MCHR2: variants seen among roughly 807,000 people sequenced by gnomAD.
The protein encoded by MCHR2 is melanin-concentrating hormone receptor 2.
MCHR2 carries 15 observed loss-of-function variants against 24.8 expected under a neutral mutation model. The observed-to-expected ratio is 0.60, with a 90% CI of 0.40 to 0.93. The LOEUF (loss-of-function observed/expected upper bound fraction) is 0.93. MCHR2 is among the 40% of genes least tolerant of loss of function. MCHR2 has a pLI of 0.00. For synonymous variants in MCHR2, 151 were observed against 147.6 expected, an observed-to-expected ratio of 1.02 and a Z score of -0.17; for missense variants, 386 against 408.7, an observed-to-expected ratio of 0.94 and a Z score of 0.48.
At chr6:99,929,731 T>C (rs1001385408) in intron 5 of MCHR2, among the ~76,000 whole-genome samples, 1 of 152,072 alleles carries the variant, frequency 6.6e-6, no homozygotes, top group Non-Finnish European at 1.5e-5. Context: ...CCTATGTGTG[T>C]CTCTGCACGT....
At chr6:99,932,350 A>G (rs1173449281) in intron 5 of MCHR2, among the ~76,000 whole-genome samples, 1 of 152,166 alleles carries the variant, frequency 6.6e-6, no homozygotes, top group Non-Finnish European at 1.5e-5. Context: ...TTTTTACAGA[A>G]GCATTCTAAA....
At chr6:99,958,552 T>G (rs1043463245) in intron 1 of MCHR2, among the ~76,000 whole-genome samples, 1 of 151,922 alleles carries the variant, frequency 6.6e-6, no homozygotes, top group Admixed American at 6.6e-5. Flanking sequence ...AAAAAATCTG[T>G]TCATTAAAAG....
intron 5 of MCHR2, among the ~76,000 whole-genome samples, chr6:99,933,354 A>AT (rs1774584602): frequency 6.6e-6 from 1 of 152,192 alleles, no homozygotes; most frequent in South Asian, 2.1e-4. Context: ...AGGCTCAAGC[A>AT]TTCTCTCTAG....
In MCHR2 at chr6:99,975,029, C is replaced by G. The variant is rs188481951; in HGVS notation, c.-27-18855G>C. Among the ~76,000 whole-genome samples, 751 of 152,324 alleles carry G rather than the reference C, an allele frequency of 4.9e-3. 9 individuals carry two copies. Among genetic ancestry groups the G allele is most frequent in the African/African-American group, 0.018 (730 of 41,560 alleles). ...AGGCTGCTCGGCGGTCAGGGACCCA[C>G]TTGAGGAGGCAGTCTGCCCGTTCTC... is the stretch of plus-strand genomic sequence containing the variant. On this transcript the variant is annotated intron_variant, in intron 1 of 5. Transcript: ENST00000281806.
chr6:99,920,932 G>A lies in MCHR2; in HGVS notation c.*8C>T, dbSNP rs1774211800. ...CATGTCTAGACTCATGGTGATCCAT[G>A]TACTTTCCTAAAAGTGTGATTTCAG... On this transcript the variant is annotated 3_prime_UTR_variant, in exon 6 of 6. Coordinates refer to ENST00000281806, the MANE Select transcript of MCHR2 (RefSeq NM_001040179.2). 3 of 1,612,272 alleles carry A rather than the reference G, an allele frequency of 1.9e-6. No homozygotes were observed. Among genetic ancestry groups the A allele is most frequent in the African/African-American group, 2.7e-5 (2 of 74,840 alleles).
chr6:99,987,855 T>A (rs775644373), intron 1 of MCHR2, among the ~76,000 whole-genome samples: 5 of 152,166 alleles, frequency 3.3e-5, no homozygotes, highest in Non-Finnish European at 7.4e-5. Flanking sequence ...AGGTTATTTT[T>A]TATTGATAAG....
intron 1 of MCHR2, among the ~76,000 whole-genome samples, chr6:99,987,090 G>GTATTTATT (rs71024682): frequency 1.1e-3 from 167 of 149,566 alleles, no homozygotes; most frequent in African/African-American, 2.0e-3. Context: ...GTGTTGTGTT[G>GTATTTATT]TATTTATTTA....
chr6:99,929,192 G>T (rs1425320235), intron 5 of MCHR2, among the ~76,000 whole-genome samples: 2 of 152,084 alleles, frequency 1.3e-5, no homozygotes, highest in Non-Finnish European at 2.9e-5. Context: ...ATTGCACTGT[G>T]GTCTGAGAGA....
intron 1 of MCHR2, among the ~76,000 whole-genome samples, chr6:99,959,156 T>A (rs1775128188): frequency 6.6e-6 from 1 of 152,030 alleles, no homozygotes; most frequent in Non-Finnish European, 1.5e-5. Flanking sequence ...TCTGGATGCC[T>A]GGAAGGCCAC....
At chr6:99,980,108 T>C (rs80311482) in intron 1 of MCHR2, among the ~76,000 whole-genome samples, 5,616 of 110,228 alleles carry the variant, frequency 0.051, 135 homozygotes, top group Non-Finnish European at 0.067. Flanking sequence ...ATGATTGTTC[T>C]GTTTTATAGT....
intron 1 of MCHR2, among the ~76,000 whole-genome samples, chr6:99,965,378 A>G (rs1308205794): frequency 2.0e-5 from 3 of 152,188 alleles, no homozygotes; most frequent in African/African-American, 7.2e-5. Context: ...AAGTGTTTAC[A>G]AAAATGTAGC....
chr6:99,968,553 A>C (rs750536226), intron 1 of MCHR2, among the ~76,000 whole-genome samples: 1 of 152,194 alleles, frequency 6.6e-6, no homozygotes, highest in Non-Finnish European at 1.5e-5. Flanking sequence ...CCTAATGAGG[A>C]ATACACCATG....
chr6:99,988,186 A>G (rs1300643845), intron 1 of MCHR2, among the ~76,000 whole-genome samples: 1 of 152,222 alleles, frequency 6.6e-6, no homozygotes, highest in African/African-American at 2.4e-5. Context: ...TGAAGTCCAT[A>G]GGGTAGACTT....
At chr6:99,972,698 T>C (rs920805565) in intron 1 of MCHR2, among the ~76,000 whole-genome samples, 1 of 152,240 alleles carries the variant, frequency 6.6e-6, no homozygotes, top group African/African-American at 2.4e-5. Context: ...TCTGGGCATT[T>C]AGTGCTATAA....
chr6:99,922,905 T>TA (rs1481538510), intron 5 of MCHR2, among the ~76,000 whole-genome samples: 1 of 54,052 alleles, frequency 1.9e-5, no homozygotes, highest in Non-Finnish European at 4.5e-5. Flanking sequence ...AATTTTAAGA[T>TA]TTTTTTTTCT....
chr6:99,972,106 C>T (rs1582403107), intron 1 of MCHR2, among the ~76,000 whole-genome samples: 3 of 152,152 alleles, frequency 2.0e-5, no homozygotes, highest in South Asian at 4.1e-4. Flanking sequence ...CCCTCTTTTT[C>T]TATTGATTGG....
At chr6:99,928,269 G>A (rs1232673515) in intron 5 of MCHR2, among the ~76,000 whole-genome samples, 2 of 152,316 alleles carry the variant, frequency 1.3e-5, no homozygotes, top group African/African-American at 2.4e-5. Flanking sequence ...TTGCATCAAT[G>A]TTCATCAAGG....
chr6:99,928,580 T>C (rs1032051314), intron 5 of MCHR2, among the ~76,000 whole-genome samples: 6 of 152,134 alleles, frequency 3.9e-5, no homozygotes, highest in African/African-American at 9.7e-5. Context: ...GTGTATGTGT[T>C]GAGGAATTTA....
intron 2 of MCHR2, among the ~76,000 whole-genome samples, chr6:99,949,942 C>G (rs900021481): frequency 6.6e-6 from 1 of 151,272 alleles, no homozygotes; most frequent in Non-Finnish European, 1.5e-5. Flanking sequence ...AATCATAAAT[C>G]TTAGTCTATA....
Sources: gnomAD v4.1 joint callset for allele counts (sites outside exome capture counted in the v4.1 genomes callset) on GRCh38, gnomAD v4.1.1 for gene constraint, MANE v1.5 for transcripts, NCBI Gene and HGNC (gene_info 2026-07-23, HGNC 2026-07-21) for gene names.